Variants in CALN1 observed in about 807,000 individuals in gnomAD.
The protein encoded by CALN1 is calneuron 1.
A neutral mutation model predicts 30.6 loss-of-function variants in CALN1; 17 were observed. That is an observed-to-expected ratio of 0.56 (90% CI 0.38 to 0.83). The LOEUF (loss-of-function observed/expected upper bound fraction) is 0.83, where lower values mean the gene tolerates loss of function less well. Ranked by LOEUF, CALN1 falls within the 40% of genes least tolerant of loss-of-function variation. The pLI is 0.00. For missense variants in CALN1, 291 were observed against 354.9 expected (o/e 0.82, Z 1.45); for synonymous variants, 156 against 131.4 (o/e 1.19, Z -1.28).
At chr7:72,111,603 GACTA>G (rs1218753728) in intron 3 of CALN1, among the ~76,000 whole-genome samples, 1 of 151,758 alleles carries the variant, frequency 6.6e-6, no homozygotes, top group East Asian at 1.9e-4. Flanking sequence ...CACCATGCTC[GACTA>G]ATTTTTTATT....
chr7:72,210,854 C>G (rs958111724), intron 3 of CALN1, among the ~76,000 whole-genome samples: 2 of 151,516 alleles, frequency 1.3e-5, no homozygotes, highest in Non-Finnish European at 1.5e-5. Flanking sequence ...AGTTCAAGAC[C>G]AGCCTGGGAA....
chr7:71,960,422 T>C (rs1031738931), intron 5 of CALN1, among the ~76,000 whole-genome samples: 4 of 152,124 alleles, frequency 2.6e-5, no homozygotes, highest in Non-Finnish European at 5.9e-5. Flanking sequence ...TGAGAACATG[T>C]GGTATTTGAC....
intron 3 of CALN1, among the ~76,000 whole-genome samples, chr7:72,184,996 G>A (rs1790078592): frequency 6.6e-6 from 1 of 151,766 alleles, no homozygotes; most frequent in South Asian, 2.1e-4. Flanking sequence ...TAGAGATGAA[G>A]GTCTCACTGT....
rs376660384 is a variant in CALN1, at chr7:71,978,554, A to G, written c.501+45103T>C. Among the ~76,000 whole-genome samples, 658 of 152,264 alleles carry G rather than the reference A, an allele frequency of 4.3e-3. 8 individuals are homozygous for G. Among genetic ancestry groups the G allele is most frequent in the African/African-American group, 0.015 (621 of 41,554 alleles). On this transcript the variant is annotated intron_variant, in intron 5 of 6. Transcript: ENST00000395275. Reference sequence around the variant, plus strand: ...CTCCCAAAGTGCTGGGATTACAGGCATGAATTCTTTACGGTGCTGGCCGAA... The same window carrying G: ...CTCCCAAAGTGCTGGGATTACAGGCGTGAATTCTTTACGGTGCTGGCCGAA...
chr7:72,318,028 G>A (rs116853477), intron 2 of CALN1, among the ~76,000 whole-genome samples: 6 of 152,222 alleles, frequency 3.9e-5, no homozygotes, highest in East Asian at 1.9e-4. Context: ...CTGATTGAGC[G>A]TCTATGGCTG....
intron 2 of CALN1, among the ~76,000 whole-genome samples, chr7:72,378,889 T>G (rs1044948126): frequency 3.9e-5 from 6 of 152,050 alleles, no homozygotes; most frequent in East Asian, 1.9e-4. Flanking sequence ...TTTCTGAAAG[T>G]TTTTCTTTTT....
At chr7:71,897,875 G>A (rs2116919741) in intron 5 of CALN1, among the ~76,000 whole-genome samples, 1 of 147,158 alleles carries the variant, frequency 6.8e-6, no homozygotes, top group African/African-American at 2.5e-5. Context: ...GACACAGACT[G>A]TAAAGCAATG....
At chr7:71,949,786 G>C (rs1329982327) in intron 5 of CALN1, among the ~76,000 whole-genome samples, 3 of 151,604 alleles carry the variant, frequency 2.0e-5, no homozygotes, top group African/African-American at 7.3e-5. Context: ...TTTTGAGATG[G>C]AGTCTCGCTT....
intron 6 of CALN1, among the ~76,000 whole-genome samples, chr7:71,793,096 G>GGAGTTCGA (rs752024481): frequency 2.2e-4 from 33 of 152,146 alleles, no homozygotes; most frequent in African/African-American, 7.7e-4. Flanking sequence ...CCTGAGGTCA[G>GGAGTTCGA]GAGTTCGAGA....
At chr7:71,816,026 A>ATT (rs35971928) in intron 5 of CALN1, among the ~76,000 whole-genome samples, 2 of 148,166 alleles carry the variant, frequency 1.3e-5, no homozygotes, top group South Asian at 4.3e-4. Flanking sequence ...GACCTGGCTA[A>ATT]TTTTTTTTTT....
At chr7:72,125,981 A>G (rs955300562) in intron 3 of CALN1, among the ~76,000 whole-genome samples, 1 of 151,872 alleles carries the variant, frequency 6.6e-6, no homozygotes, top group Middle Eastern at 3.4e-3. Context: ...TTGTATCTTT[A>G]GTAGAGATGA....
intron 6 of CALN1, among the ~76,000 whole-genome samples, chr7:71,796,510 C>G (rs945755272): frequency 2.0e-5 from 3 of 151,988 alleles, no homozygotes; most frequent in Non-Finnish European, 4.4e-5. Flanking sequence ...CAGGCTCCCG[C>G]CACCACGCCC....
chr7:71,978,919 A>C (rs1798245917), intron 5 of CALN1, among the ~76,000 whole-genome samples: 1 of 152,224 alleles, frequency 6.6e-6, no homozygotes, highest in South Asian at 2.1e-4. Flanking sequence ...ATGTCTTATA[A>C]GCACAGGCAC....
the CALN1 span, among the ~76,000 whole-genome samples, chr7:72,498,947 T>C: frequency 6.6e-6 from 1 of 152,128 alleles, no homozygotes; most frequent in African/African-American, 2.4e-5. Flanking sequence ...CATACGCAAA[T>C]AATTGTTCCT....
In CALN1 at chr7:72,392,690, G is replaced by A. The variant is rs116274862; in HGVS notation, c.119+10561C>T. On this transcript the variant is annotated intron_variant, in intron 2 of 6. Coordinates refer to ENST00000395275, the MANE Select transcript of CALN1 (RefSeq NM_031468.4). ...AGCAAAATCCTCAAATTAAAATTTG[G>A]TACAGGTCAATGCAGTGGCACATAT... Among the ~76,000 whole-genome samples the A allele has an allele frequency of 9.4e-3, 1,435 of 152,200 alleles. 21 individuals carry two copies. Among genetic ancestry groups the A allele is most frequent in the African/African-American group, 0.031 (1,271 of 41,504 alleles).
intron 5 of CALN1, among the ~76,000 whole-genome samples, chr7:71,847,079 T>C (rs1790308169): frequency 6.6e-6 from 1 of 151,614 alleles, no homozygotes; most frequent in Non-Finnish European, 1.5e-5. Flanking sequence ...AGAGAGCTGA[T>C]GGTGTAGTTC....
At chr7:72,109,199 A>T (rs1284700259) in intron 3 of CALN1, among the ~76,000 whole-genome samples, 1 of 152,154 alleles carries the variant, frequency 6.6e-6, no homozygotes, top group Non-Finnish European at 1.5e-5. Context: ...AGCATGCTGA[A>T]TTCTTTCTGG....
intron 2 of CALN1, among the ~76,000 whole-genome samples, chr7:72,394,417 C>T (rs1321499702): frequency 2.0e-5 from 3 of 152,176 alleles, no homozygotes; most frequent in East Asian, 3.8e-4. Context: ...AAATGTTGCT[C>T]ATACACAGAT....
intron 5 of CALN1, among the ~76,000 whole-genome samples, chr7:71,835,335 G>C (rs767236942): frequency 7.9e-5 from 12 of 152,164 alleles, no homozygotes; most frequent in Non-Finnish European, 1.6e-4. Flanking sequence ...ATGCAGTTAG[G>C]AATTACAACC....
Sources: gnomAD v4.1 joint callset for allele counts (sites outside exome capture counted in the v4.1 genomes callset) on GRCh38, gnomAD v4.1.1 for gene constraint, MANE v1.5 for transcripts, NCBI Gene and HGNC (gene_info 2026-07-23, HGNC 2026-07-21) for gene names.